Variants in PTPRG observed in about 807,000 individuals in gnomAD.
PTPRG encodes the protein receptor-type tyrosine-protein phosphatase gamma.
A neutral mutation model predicts 165.3 loss-of-function variants in PTPRG; 102 were observed. The ratio of observed to expected loss-of-function variants is 0.62; its 90% CI spans 0.53 to 0.73. PTPRG has a LOEUF of 0.73. Among genes scored for constraint, PTPRG ranks in the 30% least tolerant of loss-of-function variants. PTPRG has a pLI of 0.00. For synonymous variants in PTPRG, 675 were observed against 669.5 expected, an observed-to-expected ratio of 1.01 and a Z score of -0.13; for missense variants, 1,866 against 1,861.4, an observed-to-expected ratio of 1.00 and a Z score of -0.05.
rs189370163 is a variant in PTPRG at position 61,895,433 on chromosome 3, A to G, written c.191-94192A>G. On this transcript the variant is annotated intron_variant, in intron 2 of 29. Coordinates refer to ENST00000474889, the MANE Select transcript of PTPRG (RefSeq NM_002841.4). ...TATTTTTTCTTAGATCTGCTGGCCT[A>G]TCTTGCTAGTGATTAAGTTTACAGT... 1.3e-4 allele frequency among the ~76,000 whole-genome samples: 20 copies of G among 152,294 alleles called. No homozygotes were observed. In the East Asian group the frequency reaches 1.7e-3, roughly 13 times the overall value.
Position 62,217,082 on chromosome 3 carries a change from T to C in PTPRG, c.2156-1769T>C, listed in dbSNP as rs1439144102. On this transcript the variant is annotated intron_variant, in intron 12 of 29. Coordinates refer to ENST00000474889, the MANE Select transcript of PTPRG (RefSeq NM_002841.4). The surrounding 1 kb of genome is among the most constrained non-coding windows in gnomAD (Gnocchi z 4.3). ...TTCCTCCCCATGGGTACAGCAGTGC[T>C]ACTATCTGATGTACTGATGTGTCCC... Among the ~76,000 whole-genome samples the C allele has an allele frequency of 2.0e-5, 3 of 152,226 alleles. No individual in the cohort carries two copies. Among genetic ancestry groups the C allele is most frequent in the African/African-American group, 7.2e-5 (3 of 41,464 alleles).
rs537162206 is a variant in PTPRG, at chr3:62,069,637, G to GTCTCTCTCTC, written c.520-8487_520-8478dup. Reference sequence around the variant, plus strand: ...AGAGAAAGAGAGCCATAGGATCGATGTCTCTCTCTCTCTCTCTCTCTCTCT... The same window carrying GTCTCTCTCTC: ...AGAGAAAGAGAGCCATAGGATCGATGTCTCTCTCTCTCTCTCTCTCTCTCTCTCTCTCTCT... On this transcript the variant is annotated intron_variant, in intron 4 of 29. Coordinates refer to ENST00000474889, the MANE Select transcript of PTPRG (RefSeq NM_002841.4). Among the ~76,000 whole-genome samples, 10 of 141,142 alleles carry GTCTCTCTCTC rather than the reference G, an allele frequency of 7.1e-5. No individual in the cohort carries two copies. The South Asian group carries it at 7.4e-4, about 10-fold the overall frequency. 92.6% of individuals were successfully genotyped at this position (141,142 alleles called of 152,430 possible).
intron 2 of PTPRG, among the ~76,000 whole-genome samples, chr3:61,938,373 A>G (rs904708849): frequency 6.6e-6 from 1 of 152,078 alleles, no homozygotes; most frequent in Non-Finnish European, 1.5e-5. Flanking sequence ...TTATCCTGCA[A>G]ATTAGTAACT....
intron 4 of PTPRG, among the ~76,000 whole-genome samples, chr3:62,006,975 C>G (rs1312171509): frequency 6.6e-6 from 1 of 152,144 alleles, no homozygotes; most frequent in Non-Finnish European, 1.5e-5. Flanking sequence ...GGACTTGTTT[C>G]TTGGGAAGTC....
At chr3:61,882,049 A>G (rs1373048011) in intron 2 of PTPRG, among the ~76,000 whole-genome samples, 2 of 152,040 alleles carry the variant, frequency 1.3e-5, no homozygotes, top group Admixed American at 6.6e-5. Flanking sequence ...CATTTGATTG[A>G]CTCCTAGTTA....
At chr3:61,685,910 A>C (rs1346005771) in intron 1 of PTPRG, among the ~76,000 whole-genome samples, 1 of 152,178 alleles carries the variant, frequency 6.6e-6, no homozygotes, top group African/African-American at 2.4e-5. Flanking sequence ...GCAACCTGGC[A>C]TATAATGGTG....
chr3:61,997,732 G>C (rs2041074504), intron 3 of PTPRG, among the ~76,000 whole-genome samples: 1 of 152,232 alleles, frequency 6.6e-6, no homozygotes, highest in Middle Eastern at 3.4e-3. Flanking sequence ...ACCTTTTTCT[G>C]CCAGTCATTA....
At chr3:61,838,872 A>T (rs970429560) in intron 2 of PTPRG, among the ~76,000 whole-genome samples, 4 of 152,220 alleles carry the variant, frequency 2.6e-5, no homozygotes, top group African/African-American at 9.6e-5. Flanking sequence ...TGTTTCCAGA[A>T]TTCTGAGAGT....
intron 2 of PTPRG, among the ~76,000 whole-genome samples, chr3:61,968,942 T>G (rs2040329865): frequency 6.6e-6 from 1 of 152,232 alleles, no homozygotes; most frequent in Non-Finnish European, 1.5e-5. Flanking sequence ...TGGTGTTGTC[T>G]GTACTCTGTA....
At chr3:61,989,186 T>C (rs1413021836) in intron 2 of PTPRG, among the ~76,000 whole-genome samples, 1 of 152,276 alleles carries the variant, frequency 6.6e-6, no homozygotes, top group Non-Finnish European at 1.5e-5. Context: ...TAATTTTTTT[T>C]CCCTTTTTCA....
At chr3:61,835,375 C>G (rs2036427048) in intron 2 of PTPRG, among the ~76,000 whole-genome samples, 1 of 152,168 alleles carries the variant, frequency 6.6e-6, no homozygotes, top group Admixed American at 6.5e-5. Context: ...CCCCCCTTCC[C>G]CAGGCTGGAG....
chr3:62,225,512 AGTTTT>A (rs1183060564), intron 13 of PTPRG, among the ~76,000 whole-genome samples: 7 of 149,704 alleles, frequency 4.7e-5, no homozygotes, highest in Admixed American at 2.7e-4. Flanking sequence ...AGATATTTTT[AGTTTT>A]GTTTTTTTTT....
intron 8 of PTPRG, among the ~76,000 whole-genome samples, chr3:62,181,698 A>G (rs573940736): frequency 6.6e-6 from 1 of 152,348 alleles, no homozygotes; most frequent in South Asian, 2.1e-4. Flanking sequence ...TGCTTAAAAT[A>G]AAATATAATA....
At chr3:62,186,371 G>A (rs1705886709) in intron 8 of PTPRG, among the ~76,000 whole-genome samples, 2 of 152,038 alleles carry the variant, frequency 1.3e-5, no homozygotes, top group African/African-American at 2.4e-5. Flanking sequence ...GGGTACCAGT[G>A]ATAAGGAGCT....
At chr3:62,000,466 C>T (rs1320603658) in intron 3 of PTPRG, among the ~76,000 whole-genome samples, 1 of 152,068 alleles carries the variant, frequency 6.6e-6, no homozygotes, top group African/African-American at 2.4e-5. Context: ...GAAAAGACAT[C>T]CAGAGAGAGA....
intron 2 of PTPRG, among the ~76,000 whole-genome samples, chr3:61,897,573 G>A (rs569471997): frequency 6.6e-6 from 1 of 152,236 alleles, no homozygotes; most frequent in South Asian, 2.1e-4. Context: ...TCTAGGGCCT[G>A]TGCTATTCTA....
chr3:61,807,942 C>T (rs1559623077), intron 2 of PTPRG, among the ~76,000 whole-genome samples: 2 of 152,192 alleles, frequency 1.3e-5, no homozygotes, highest in Admixed American at 6.5e-5. Context: ...AACAAAGGCT[C>T]GCAGACCGGG....
In PTPRG at chr3:62,275,980, A is replaced by G. The variant is rs1702219777; in HGVS notation, c.3559+14A>G. 1 of 1,572,606 alleles carries G rather than the reference A, an allele frequency of 6.4e-7. No homozygotes were observed. Among genetic ancestry groups the G allele is most frequent in the Admixed American group, 1.7e-5 (1 of 59,184 alleles). On this transcript the variant is annotated intron_variant, in intron 24 of 29. Transcript: ENST00000474889. The stretch of plus-strand genomic sequence containing the variant: ...CAGTTGTGCCATGTAAGACTTTAAA[A>G]CAGTTTGTTAGTGATCTTTTATACT...
intron 1 of PTPRG, among the ~76,000 whole-genome samples, chr3:61,718,715 A>T (rs2031924698): frequency 6.6e-6 from 1 of 152,232 alleles, no homozygotes; most frequent in Admixed American, 6.5e-5. Flanking sequence ...AGTGGCCCAG[A>T]GACTCATAAG....
Sources: gnomAD v4.1 joint callset for allele counts (sites outside exome capture counted in the v4.1 genomes callset) on GRCh38, gnomAD v4.1.1 for gene constraint, Gnocchi (gnomAD v3.1) non-coding constraint, MANE v1.5 for transcripts, NCBI Gene and HGNC (gene_info 2026-07-23, HGNC 2026-07-21) for gene names.